Variants in CRACDL observed in about 807,000 individuals in gnomAD.
CRACDL encodes CRACD-like protein.
In CRACDL, 26 loss-of-function variants were observed where a neutral mutation model predicts 70.6. The observed-to-expected ratio is 0.37, with a 90% CI of 0.27 to 0.51. The LOEUF is 0.51. Ranked by LOEUF, CRACDL falls within the 20% of genes least tolerant of loss-of-function variation. The pLI is 0.94. For missense variants in CRACDL, 1,283 were observed against 1,376.9 expected (o/e 0.93, Z 1.08); for synonymous variants, 618 against 615.2 (o/e 1.00, Z -0.07).
intron 7 of CRACDL, among the ~76,000 whole-genome samples, chr2:98,819,544 G>A (rs931898619): frequency 9.2e-5 from 14 of 152,158 alleles, no homozygotes; most frequent in African/African-American, 2.9e-4. Flanking sequence ...ACAAAATCAC[G>A]GCTGTGCCAA....
At chr2:98,858,512 C>CAAAA (rs370742460) in intron 1 of CRACDL, among the ~76,000 whole-genome samples, 7 of 56,160 alleles carry the variant, frequency 1.2e-4, no homozygotes, top group South Asian at 5.6e-4. Flanking sequence ...GAGACTCTGT[C>CAAAA]AAAAAAAAAA....
At chr2:98,826,914 G>GT (rs1486914527) in intron 6 of CRACDL, 61 bp downstream of exon 6, 58 of 1,278,230 alleles carry the variant, frequency 4.5e-5, no homozygotes, top group African/African-American at 6.3e-5. Context: ...GTTGGGGGGG[G>GT]GCATAGGGGG....
At chr2:98,934,958 ACT>A (rs1352260742) in intron 1 of CRACDL, among the ~76,000 whole-genome samples, 1 of 152,154 alleles carries the variant, frequency 6.6e-6, no homozygotes, top group Non-Finnish European at 1.5e-5. Flanking sequence ...TCCACACGAC[ACT>A]GTCTCTAGAT....
intron 1 of CRACDL, among the ~76,000 whole-genome samples, chr2:98,870,171 C>A (rs1707291880): frequency 6.6e-6 from 1 of 152,234 alleles, no homozygotes. Context: ...CCGGTACAGT[C>A]AGCAGTTTCC....
At chr2:98,931,356 C>A (rs1306430016) in intron 1 of CRACDL, among the ~76,000 whole-genome samples, 1 of 150,046 alleles carries the variant, frequency 6.7e-6, no homozygotes, top group Non-Finnish European at 1.5e-5. Flanking sequence ...GACACTAGAG[C>A]CTGACTCCCC....
intron 1 of CRACDL, among the ~76,000 whole-genome samples, chr2:98,899,304 T>C (rs1477313514): frequency 3.3e-5 from 5 of 152,248 alleles, no homozygotes; most frequent in Non-Finnish European, 7.3e-5. Context: ...TTTAAAAATG[T>C]ACAAGTATGT....
chr2:98,907,751 C>A (rs1440165616), intron 1 of CRACDL, among the ~76,000 whole-genome samples: 1 of 152,160 alleles, frequency 6.6e-6, no homozygotes, highest in Non-Finnish European at 1.5e-5. Context: ...GCATTCTGTC[C>A]AATATCACAA....
chr2:98,817,967 G>A (rs1407189077), intron 7 of CRACDL, among the ~76,000 whole-genome samples: 1 of 152,110 alleles, frequency 6.6e-6, no homozygotes, highest in Admixed American at 6.5e-5. Flanking sequence ...GCTGACCTAG[G>A]AGTGATTTTT....
intron 1 of CRACDL, among the ~76,000 whole-genome samples, chr2:98,903,178 G>A (rs987697596): frequency 1.4e-4 from 21 of 152,126 alleles, no homozygotes; most frequent in South Asian, 4.2e-4. Flanking sequence ...TCCGAGCCCC[G>A]GGGCTTCACA....
chr2:98,827,884 G>T (rs186352276), intron 5 of CRACDL, among the ~76,000 whole-genome samples: 30 of 152,312 alleles, frequency 2.0e-4, no homozygotes, highest in African/African-American at 7.0e-4. Flanking sequence ...GACTTTAGAG[G>T]CTGGGGCGCA....
At chr2:98,861,825 T>TC (rs1706949472) in intron 1 of CRACDL, among the ~76,000 whole-genome samples, 2 of 152,182 alleles carry the variant, frequency 1.3e-5, no homozygotes, top group Non-Finnish European at 2.9e-5. Flanking sequence ...CATCCACCCA[T>TC]CCCCCCACTT....
chr2:98,851,442 A>G (rs755259022), intron 1 of CRACDL, among the ~76,000 whole-genome samples: 1 of 152,166 alleles, frequency 6.6e-6, no homozygotes, highest in Non-Finnish European at 1.5e-5. Context: ...CTCTTGGTTC[A>G]CCTTTCCCTT....
intron 7 of CRACDL, among the ~76,000 whole-genome samples, chr2:98,820,178 T>G (rs1407299424): frequency 6.6e-6 from 1 of 151,736 alleles, no homozygotes; most frequent in African/African-American, 2.4e-5. Flanking sequence ...CCCCATCACA[T>G]GCACACACAA....
At chr2:98,826,014 A>G (rs1260791287) in intron 6 of CRACDL, among the ~76,000 whole-genome samples, 4 of 152,148 alleles carry the variant, frequency 2.6e-5, no homozygotes, top group Non-Finnish European at 5.9e-5. Flanking sequence ...GCCTGTGAGC[A>G]TCTCTTTATC....
chr2:98,929,965 C>T (rs1199658318), intron 1 of CRACDL, among the ~76,000 whole-genome samples: 4 of 152,100 alleles, frequency 2.6e-5, no homozygotes, highest in Admixed American at 6.5e-5. Flanking sequence ...CTCGATACCA[C>T]GATACATTTG....
chr2:98,823,186 T>G lies in CRACDL; in HGVS notation c.1087A>C (p.Asn363His), dbSNP rs1314563158. 13 of 1,492,784 alleles carry G rather than the reference T, an allele frequency of 8.7e-6. No homozygotes were observed. The highest frequency in any genetic ancestry group is 1.2e-5 in the Non-Finnish European group (13 of 1,122,914). 92.5% of individuals were successfully genotyped at this position (1,492,784 alleles called of 1,614,324 possible). A position where few individuals can be genotyped will look rare whatever the true frequency, so the allele number is the denominator to read the frequency against. Residue 363 changes from asparagine (N) to histidine (H), a missense_variant, in exon 7 of 10, where the codon AAT becomes CAT. Transcript: ENST00000397899. This position sits in a 1 kb window ranked among gnomAD's most constrained non-coding sequence, Gnocchi z 4.0. ...EPPSPPEGPP[N>H]PGPDGGKQDG... ...TGCTTTCCGCCGTCGGGACCGGGAT[T>G]CGGGGGGCCCTCCGGCGGGGACGGG...
intron 3 of CRACDL, among the ~76,000 whole-genome samples, chr2:98,837,040 G>T (rs1354979956): frequency 6.7e-6 from 1 of 149,544 alleles, no homozygotes; most frequent in African/African-American, 2.5e-5. Flanking sequence ...AGCCAAGATC[G>T]CGCCACCGCA....
At chr2:98,886,149 G>C (rs1432466358) in intron 1 of CRACDL, among the ~76,000 whole-genome samples, 1 of 152,168 alleles carries the variant, frequency 6.6e-6, no homozygotes, top group African/African-American at 2.4e-5. Context: ...GCTGGAAGGG[G>C]ACAACTGGGT....
intron 7 of CRACDL, among the ~76,000 whole-genome samples, chr2:98,821,194 C>T (rs1705012376): frequency 6.6e-6 from 1 of 151,906 alleles, no homozygotes; most frequent in South Asian, 2.1e-4. Flanking sequence ...TTTTATCTCT[C>T]TCTTTTTAAA....
Sources: allele counts gnomAD v4.1 joint callset (sites outside exome capture counted in the v4.1 genomes callset), GRCh38; gene constraint gnomAD v4.1.1; non-coding constraint Gnocchi (gnomAD v3.1); transcripts MANE v1.5; gene names NCBI Gene and HGNC (gene_info 2026-07-23, HGNC 2026-07-21).